The following XPA variants were observed in gnomAD, a reference collection of about 807,000 sequenced individuals.
XPA encodes the protein XPA, DNA damage recognition and repair factor, also known as DNA repair protein complementing XP-A cells.
XPA carries 27 observed loss-of-function variants against 35.7 expected under a neutral mutation model. That is an observed-to-expected ratio of 0.76 (90% CI 0.56 to 1.04). XPA has a LOEUF of 1.04. XPA is among the 50% of genes least tolerant of loss of function. The pLI is 0.00. For synonymous variants in XPA, 133 were observed against 118.4 expected, an observed-to-expected ratio of 1.12 and a Z score of -0.80; for missense variants, 354 against 342.7, an observed-to-expected ratio of 1.03 and a Z score of -0.26.
chr9:97,693,732 T>C lies in XPA; in HGVS notation c.200A>G (p.Lys67Arg), dbSNP rs1321202142. 6.2e-7 allele frequency: 1 copy of C among 1,613,322 alleles called. No individual in the cohort carries two copies. Among genetic ancestry groups the C allele is most frequent in the East Asian group, 2.2e-5 (1 of 44,816 alleles). Reference sequence around the variant, plus strand: ...GAAGCCTCCTCCTGTGTCAATTATCTTTGGGGCTGCTTTTACATTAGCCAT... The same window carrying C: ...GAAGCCTCCTCCTGTGTCAATTATCCTTGGGGCTGCTTTTACATTAGCCAT... ...GGMANVKAAP[K>R]IIDTGGGFIL... The change falls in exon 2 of 6, where the codon AAG becomes AGG. Residue 67 changes from lysine (K) to arginine (R), a missense_variant. By Grantham distance (26) the Lys-to-Arg change is conservative. Coordinates refer to ENST00000375128, the MANE Select transcript of XPA (RefSeq NM_000380.4).
intron 5 of XPA, among the ~76,000 whole-genome samples, chr9:97,683,244 G>A (rs958274124): frequency 6.6e-6 from 1 of 152,014 alleles, no homozygotes; most frequent in Non-Finnish European, 1.5e-5. Flanking sequence ...CCTCCCTTTC[G>A]CACCTCTTAA....
At chr9:97,683,617 G>T (rs1035226207) in intron 5 of XPA, among the ~76,000 whole-genome samples, 1 of 152,132 alleles carries the variant, frequency 6.6e-6, no homozygotes, top group Non-Finnish European at 1.5e-5. Flanking sequence ...GGATAGAAAA[G>T]AACAGGAAGA....
the XPA span, chr9:97,658,791 G>A: frequency 7.3e-7 from 1 of 1,374,570 alleles, no homozygotes; most frequent in South Asian, 1.2e-5. Context: ...ACCAGTTCAA[G>A]TATATCTGAA....
intron 1 of XPA, among the ~76,000 whole-genome samples, chr9:97,694,274 G>A (rs1028995638): frequency 2.6e-5 from 4 of 152,228 alleles, no homozygotes; most frequent in Non-Finnish European, 5.9e-5. Flanking sequence ...GTGTGCACCC[G>A]GAAATTTCCA....
At chr9:97,687,675 T>C (rs536841506) in intron 3 of XPA, among the ~76,000 whole-genome samples, 3 of 152,182 alleles carry the variant, frequency 2.0e-5, no homozygotes, top group East Asian at 1.9e-4. Context: ...CTAGAAGGTT[T>C]TGAGCAAAAT....
In XPA at chr9:97,691,886, AATATATATATATAT is replaced by A. The variant is rs55944336; in HGVS notation, c.283+1749_283+1762del. Among the ~76,000 whole-genome samples, 140 of 124,670 alleles carry A rather than the reference AATATATATATATAT, an allele frequency of 1.1e-3. 3 individuals are homozygous for A. In the East Asian group the frequency reaches 0.03, roughly 27 times the overall value. 81.8% of individuals were successfully genotyped at this position (124,670 alleles called of 152,430 possible). On this transcript the variant is annotated intron_variant, in intron 2 of 5. Transcript: ENST00000375128. ...GACAGAGCAAGGCTCTTTCTAAATA[AATATATATATATAT>A]ATATATATATATATATGTAAATAAA...
the XPA span, chr9:97,662,990 T>G: frequency 6.2e-7 from 1 of 1,613,226 alleles, no homozygotes; most frequent in Non-Finnish European, 8.5e-7. Flanking sequence ...CTGAAAGTGA[T>G]GAAGGAAAGT....
chr9:97,671,518 A>C (rs571249439), downstream of XPA: 2 of 245,910 alleles, frequency 8.1e-6, no homozygotes, highest in African/African-American at 4.6e-5. Flanking sequence ...CTAGAGGTCA[A>C]CCTTACATAG....
chr9:97,658,348 T>A, the XPA span, among the ~76,000 whole-genome samples: 1 of 152,318 alleles, frequency 6.6e-6, no homozygotes, highest in Non-Finnish European at 1.5e-5. Context: ...ATAGCCAGTT[T>A]CCAAAGCGTG....
rs149869842 is a variant in XPA at position 97,684,448 on chromosome 9, T to C, written c.673+475A>G. On this transcript the variant is annotated intron_variant, in intron 5 of 5. Transcript: ENST00000375128. ...AGTCCCAACTCTGCCAATAACTATC[T>C]ACATAACAAGTCACTCCACCTTTCT... Among the ~76,000 whole-genome samples the C allele has an allele frequency of 2.0e-3, 307 of 152,332 alleles. 1 individual carries two copies. The highest frequency in any genetic ancestry group is 0.014 in the Middle Eastern group (4 of 294).
rs189010028 is a variant in XPA, at chr9:97,686,489, T to A, written c.555+607A>T. Among the ~76,000 whole-genome samples, 900 of 152,344 alleles carry A rather than the reference T, an allele frequency of 5.9e-3. 5 individuals are homozygous for A. The highest frequency in any genetic ancestry group is 9.3e-3 in the Non-Finnish European group (636 of 68,028). On this transcript the variant is annotated intron_variant, in intron 4 of 5. Coordinates refer to ENST00000375128, the MANE Select transcript of XPA (RefSeq NM_000380.4). ...GAAATTCTTGAAATTTTTCTTTTTT[T>A]AAAATATTTCTTTTTTGGTGGGAGA...
chr9:97,683,584 T>TA (rs1023734949), intron 5 of XPA, among the ~76,000 whole-genome samples: 22 of 151,700 alleles, frequency 1.5e-4, no homozygotes, highest in Admixed American at 1.3e-3. Context: ...ATTTTTATTT[T>TA]AAAAAAAAAT....
chr9:97,683,243 C>T (rs929159634), intron 5 of XPA, among the ~76,000 whole-genome samples: 4 of 152,148 alleles, frequency 2.6e-5, no homozygotes, highest in East Asian at 1.9e-4. Flanking sequence ...TCCTCCCTTT[C>T]GCACCTCTTA....
the XPA span, among the ~76,000 whole-genome samples, chr9:97,656,961 TTTTTGTTTTG>T: frequency 9.9e-5 from 15 of 152,216 alleles, no homozygotes; most frequent in East Asian, 1.4e-3. Context: ...TGGAGTGTTT[TTTTTGTTTTG>T]TTTTGTTTTG....
chr9:97,660,938 G>A, the XPA span: 40 of 1,606,322 alleles, frequency 2.5e-5, no homozygotes, highest in Non-Finnish European at 3.2e-5. Flanking sequence ...CCCCAATTCT[G>A]TGTTTAGATT....
chr9:97,663,713 G>C, the XPA span, among the ~76,000 whole-genome samples: 1 of 151,806 alleles, frequency 6.6e-6, no homozygotes, highest in Admixed American at 6.6e-5. Flanking sequence ...TGGAACTCCT[G>C]ACCTCAGGTG....
At chr9:97,672,287 C>A (rs1428665785), downstream of XPA, 1 of 151,752 alleles carries the variant, frequency 6.6e-6, no homozygotes, top group Non-Finnish European at 1.5e-5. Flanking sequence ...TGTTGTTGTG[C>A]ATTTGCACAA....
At chr9:97,660,864 T>A in the XPA span, 112 of 1,463,380 alleles carry the variant, frequency 7.7e-5, no homozygotes, top group African/African-American at 3.0e-4. Flanking sequence ...TTAAAAAAAA[T>A]TTTTCTCAGT....
chr9:97,655,847 TTTAA>T, the XPA span: 1 of 1,415,288 alleles, frequency 7.1e-7, no homozygotes, highest in Non-Finnish European at 9.7e-7. Context: ...GTCTGAAATA[TTTAA>T]TTTCTTGGAA....
Sources: allele counts gnomAD v4.1 joint callset (sites outside exome capture counted in the v4.1 genomes callset), GRCh38; gene constraint gnomAD v4.1.1; transcripts MANE v1.5; gene names NCBI Gene and HGNC (gene_info 2026-07-23, HGNC 2026-07-21).